CNTN5: variants seen among roughly 807,000 people sequenced by gnomAD.
The protein encoded by CNTN5 is contactin-5.
CNTN5 carries 77 observed loss-of-function variants against 129.1 expected under a neutral mutation model. The observed-to-expected ratio is 0.60, with a 90% CI of 0.50 to 0.72. CNTN5 has a LOEUF of 0.72. Among genes scored for constraint, CNTN5 ranks in the 30% least tolerant of loss-of-function variants. The probability of loss-of-function intolerance (pLI) is 0.00; values close to 1 mark genes in which losing one functional copy is unlikely to be tolerated. For missense variants in CNTN5, 1,478 were observed against 1,328.8 expected, an observed-to-expected ratio of 1.11 and a Z score of -1.75; for synonymous variants, 509 against 465.6, an observed-to-expected ratio of 1.09 and a Z score of -1.20.
At chr11:99,412,631 T>C (rs1042313918) in intron 2 of CNTN5, among the ~76,000 whole-genome samples, 2 of 152,182 alleles carry the variant, frequency 1.3e-5, no homozygotes, top group Non-Finnish European at 2.9e-5. Context: ...AGATGCCACT[T>C]TAATCCTGTT....
chr11:99,421,724 CAGTTA>C (rs530877077), intron 2 of CNTN5, among the ~76,000 whole-genome samples: 44 of 151,978 alleles, frequency 2.9e-4, no homozygotes, highest in African/African-American at 9.9e-4. Flanking sequence ...TTTCTTAGTC[CAGTTA>C]AGTTAGATCA....
chr11:99,839,338 T>C (rs181744381), intron 4 of CNTN5, among the ~76,000 whole-genome samples: 1 of 152,118 alleles, frequency 6.6e-6, no homozygotes, highest in African/African-American at 2.4e-5. Flanking sequence ...TGTGTGAAAG[T>C]GGACAAATGA....
intron 13 of CNTN5, among the ~76,000 whole-genome samples, chr11:100,093,645 T>G (rs2138014066): frequency 6.6e-6 from 1 of 152,042 alleles, no homozygotes; most frequent in Admixed American, 6.6e-5. Context: ...CAAGCCAGGG[T>G]TCTCTAATTT....
chr11:99,131,037 C>T (rs987389273), intron 1 of CNTN5, among the ~76,000 whole-genome samples: 26 of 151,068 alleles, frequency 1.7e-4, no homozygotes, highest in Admixed American at 9.9e-4. Context: ...CTGAGGCAGG[C>T]GGATCACAAG....
chr11:99,256,548 A>C (rs1413520199), intron 1 of CNTN5, among the ~76,000 whole-genome samples: 1 of 152,012 alleles, frequency 6.6e-6, no homozygotes, highest in Non-Finnish European at 1.5e-5. Context: ...TGATATTAAT[A>C]AAGGATATTA....
chr11:99,715,498 T>C (rs928996954), intron 3 of CNTN5, among the ~76,000 whole-genome samples: 2 of 151,356 alleles, frequency 1.3e-5, no homozygotes, highest in African/African-American at 4.9e-5. Context: ...GCCATGAATG[T>C]TTGCCAGGGG....
At chr11:99,250,218 C>G (rs915878453) in intron 1 of CNTN5, among the ~76,000 whole-genome samples, 2 of 151,924 alleles carry the variant, frequency 1.3e-5, no homozygotes, top group African/African-American at 4.8e-5. Context: ...TTCCAAAAAT[C>G]AATTAACTTA....
intron 1 of CNTN5, among the ~76,000 whole-genome samples, chr11:99,266,455 A>G (rs892251843): frequency 6.6e-6 from 1 of 152,002 alleles, no homozygotes; most frequent in Admixed American, 6.6e-5. Context: ...TTTAAAAGTT[A>G]TCCAGGCATG....
intron 6 of CNTN5, among the ~76,000 whole-genome samples, chr11:99,880,242 TTGCTCTG>T (rs1948737496): frequency 6.6e-6 from 1 of 152,198 alleles, no homozygotes; most frequent in Non-Finnish European, 1.5e-5. Flanking sequence ...CATGTTGCCA[TTGCTCTG>T]TGTCCCTCTT....
intron 13 of CNTN5, among the ~76,000 whole-genome samples, chr11:100,078,284 A>G (rs910274440): frequency 1.3e-5 from 2 of 152,174 alleles, no homozygotes; most frequent in Non-Finnish European, 2.9e-5. Flanking sequence ...AAATTTGATA[A>G]CTAGAAAATA....
At chr11:100,040,195 C>T (rs192570656) in intron 9 of CNTN5, among the ~76,000 whole-genome samples, 73 of 152,240 alleles carry the variant, frequency 4.8e-4, no homozygotes, top group African/African-American at 1.7e-3. Context: ...ACAGACAGGA[C>T]CTTCAGCTGC....
At chr11:99,694,319 A>G (rs748161644) in intron 3 of CNTN5, among the ~76,000 whole-genome samples, 1 of 152,224 alleles carries the variant, frequency 6.6e-6, no homozygotes, top group Middle Eastern at 3.4e-3. Flanking sequence ...ATTTAATGTT[A>G]TCTATGGCTG....
At chr11:99,559,536 T>C (rs1176527059) in intron 3 of CNTN5, among the ~76,000 whole-genome samples, 1 of 152,046 alleles carries the variant, frequency 6.6e-6, no homozygotes, top group African/African-American at 2.4e-5. Flanking sequence ...TCCAAATAAA[T>C]AAAAATTAAT....
intron 2 of CNTN5, among the ~76,000 whole-genome samples, chr11:99,409,319 T>A (rs2134999363): frequency 6.6e-6 from 1 of 151,966 alleles, no homozygotes; most frequent in Middle Eastern, 3.4e-3. Context: ...AAAAGAAAAA[T>A]TAACCAGGCA....
At chr11:99,025,862 T>C (rs1437496617) in intron 1 of CNTN5, among the ~76,000 whole-genome samples, 1 of 151,714 alleles carries the variant, frequency 6.6e-6, no homozygotes, top group Non-Finnish European at 1.5e-5. Context: ...CTTAGAAGTA[T>C]TAAGGATTTT....
intron 4 of CNTN5, among the ~76,000 whole-genome samples, chr11:99,829,719 A>T (rs1457516990): frequency 2.0e-5 from 3 of 152,246 alleles, no homozygotes; most frequent in African/African-American, 7.2e-5. Context: ...AGTTGTTAAT[A>T]ATTACTCTAA....
intron 24 of CNTN5, among the ~76,000 whole-genome samples, chr11:100,353,091 C>G (rs1296189193): frequency 6.6e-6 from 1 of 151,644 alleles, no homozygotes; most frequent in African/African-American, 2.4e-5. Flanking sequence ...AGATCAGCCT[C>G]AACCTTGGAA....
chr11:100,172,819 C>T (rs1266118308), intron 13 of CNTN5, among the ~76,000 whole-genome samples: 1 of 151,990 alleles, frequency 6.6e-6, no homozygotes. Flanking sequence ...GAGGAATATC[C>T]TATGTCATGC....
chr11:99,456,104 A>G (rs1944487424), intron 2 of CNTN5, among the ~76,000 whole-genome samples: 1 of 151,988 alleles, frequency 6.6e-6, no homozygotes, highest in African/African-American at 2.4e-5. Context: ...TTTCTTTTCA[A>G]CCTCTTTTCA....
Sources: gnomAD v4.1 joint callset for allele counts (sites outside exome capture counted in the v4.1 genomes callset) on GRCh38, gnomAD v4.1.1 for gene constraint, MANE v1.5 for transcripts, NCBI Gene and HGNC (gene_info 2026-07-23, HGNC 2026-07-21) for gene names.